The following ZNF254 variants were observed in gnomAD, a reference collection of about 807,000 sequenced individuals.
ZNF254 encodes zinc finger protein 254.
In ZNF254, 10 loss-of-function variants were observed where a neutral mutation model predicts 12.4. That is an observed-to-expected ratio of 0.80 (90% CI 0.50 to 1.36). The LOEUF (loss-of-function observed/expected upper bound fraction) is 1.36, where lower values mean the gene tolerates loss of function less well. ZNF254 is among the 40% of genes most tolerant of loss of function. ZNF254 has a pLI of 0.00. For synonymous variants in ZNF254, 305 were observed against 253.4 expected, an observed-to-expected ratio of 1.20 and a Z score of -1.93; for missense variants, 996 against 763.9, an observed-to-expected ratio of 1.30 and a Z score of -3.58.
chr19:24,127,674 T>G lies in ZNF254; in HGVS notation c.1674T>G (p.Ser558=). Reference sequence around the variant, plus strand: ...AATGTGGCAAAGCCTTTAAGCAGTCTTCAATCCTTACTAACCATAAGAGAA... The same window carrying G: ...AATGTGGCAAAGCCTTTAAGCAGTCGTCAATCCTTACTAACCATAAGAGAA... ...CEKCGKAFKQ[S]SILTNHKRIH... The change falls in exon 4 of 4, where the codon TCT becomes TCG. Residue 558 remains serine, a synonymous_variant. Transcript: ENST00000357002. 6.2e-7 allele frequency: 1 copy of G among 1,609,484 alleles called. No homozygotes were observed. Among genetic ancestry groups the G allele is most frequent in the Non-Finnish European group, 8.5e-7 (1 of 1,178,692 alleles).
At chr19:24,107,646 C>T (rs558089859) in intron 3 of ZNF254, among the ~76,000 whole-genome samples, 1 of 152,180 alleles carries the variant, frequency 6.6e-6, no homozygotes, top group African/African-American at 2.4e-5. Context: ...ACTTATTGGT[C>T]TTCAATTTCA....
Position 24,087,201 on chromosome 19 carries a change from C to T in ZNF254, c.-107C>T. On this transcript the variant is annotated 5_prime_UTR_variant, in exon 1 of 4. Transcript: ENST00000357002. Reference sequence around the variant, plus strand: ...GATATGGCGGGGCCTTTGTCTCTCGCTGTCGCCGGAGTCCCAGGTCTGTCT... The same window carrying T: ...GATATGGCGGGGCCTTTGTCTCTCGTTGTCGCCGGAGTCCCAGGTCTGTCT... 1 of 1,481,050 alleles carries T rather than the reference C, an allele frequency of 6.8e-7. No homozygotes were observed. The highest frequency in any genetic ancestry group is 1.1e-5 in the South Asian group (1 of 87,506). 91.7% of individuals were successfully genotyped at this position (1,481,050 alleles called of 1,614,324 possible). A position where few individuals can be genotyped will look rare whatever the true frequency, so the allele number is the denominator to read the frequency against.
chr19:24,075,826 A>G (rs551811517), intron 2 of ZNF254, among the ~76,000 whole-genome samples: 1 of 152,328 alleles, frequency 6.6e-6, no homozygotes, highest in East Asian at 1.9e-4. Context: ...TCAACTGCAT[A>G]AGACAGACAC....
chr19:24,125,353 G>T (rs1481520265), intron 3 of ZNF254, among the ~76,000 whole-genome samples: 1 of 142,488 alleles, frequency 7.0e-6, no homozygotes, highest in Non-Finnish European at 1.5e-5. Context: ...AGTTGTTTCT[G>T]TTCCCATTTT....
In ZNF254 at chr19:24,055,041, A is replaced by G. The variant is rs546342619; in HGVS notation, c.-94+8762A>G. On this transcript the variant is annotated intron_variant, in intron 2 of 4. Transcript: ENST00000613065. ...CATGTTGAAACCCCATCTCTACTAA[A>G]AAATACAAAAAATTAGCTGGGCATG... 2.0e-5 allele frequency among the ~76,000 whole-genome samples: 3 copies of G among 151,524 alleles called. No homozygotes were observed. In the South Asian group the frequency reaches 6.3e-4, roughly 32 times the overall value.
intron 2 of ZNF254, among the ~76,000 whole-genome samples, chr19:24,049,214 A>ATATATTTTTTTTTTTTTTT (rs1160333151): frequency 2.4e-5 from 1 of 40,866 alleles, no homozygotes; most frequent in African/African-American, 1.4e-4. Context: ...ATATATATAT[A>ATATATTTTTTTTTTTTTTT]TTTTTTTTTT....
At chr19:24,079,476 C>T (rs1971774347) in intron 2 of ZNF254, 3 of 152,254 alleles carry the variant, frequency 2.0e-5, no homozygotes, top group African/African-American at 4.8e-5. Flanking sequence ...AATCTTTGTC[C>T]ACCTACAGAG....
intron 2 of ZNF254, among the ~76,000 whole-genome samples, chr19:24,046,888 A>G (rs1970412346): frequency 2.1e-5 from 3 of 139,628 alleles, no homozygotes; most frequent in South Asian, 4.5e-4. Flanking sequence ...CCCTTGAGAT[A>G]GAGTCTTGCT....
chr19:24,083,559 A>G (rs374596052), upstream of ZNF254, among the ~76,000 whole-genome samples: 4 of 152,204 alleles, frequency 2.6e-5, no homozygotes, highest in Non-Finnish European at 5.9e-5. Context: ...TAAGACCTGA[A>G]ACTATAAAAA....
chr19:24,057,966 T>C (rs1373759778), intron 2 of ZNF254, among the ~76,000 whole-genome samples: 1 of 152,154 alleles, frequency 6.6e-6, no homozygotes, highest in Non-Finnish European at 1.5e-5. Flanking sequence ...AGCAGCTGAG[T>C]ATTGTGATCT....
intron 3 of ZNF254, among the ~76,000 whole-genome samples, chr19:24,119,748 C>T (rs1009730534): frequency 6.6e-6 from 1 of 152,002 alleles, no homozygotes; most frequent in Non-Finnish European, 1.5e-5. Flanking sequence ...ACTTTAACCT[C>T]CCAAAGTCCT....
upstream of ZNF254, chr19:24,087,066 T>C: frequency 2.1e-6 from 1 of 481,192 alleles, no homozygotes; most frequent in Non-Finnish European, 3.8e-6. Context: ...TCACATCTTC[T>C]ATCACTCAGG....
At position 24,060,271 on chromosome 19, in the gene ZNF254, G is replaced by A. The variant is rs78768121; in HGVS notation, c.-94+13992G>A. The stretch of plus-strand genomic sequence containing the variant: ...TCACCTGCCTAGTCCTTGTTCACTA[G>A]GGGATAATGATATCTATTGCTGGTT... On this transcript the variant is annotated intron_variant, in intron 2 of 4. Coordinates refer to the ZNF254 transcript ENST00000613065. Among the ~76,000 whole-genome samples the A allele has an allele frequency of 6.8e-3, 1,031 of 152,322 alleles. 17 individuals are homozygous for A. Among genetic ancestry groups the A allele is most frequent in the African/African-American group, 0.024 (977 of 41,564 alleles).
At chr19:24,056,749 T>C (rs754358359) in intron 2 of ZNF254, among the ~76,000 whole-genome samples, 32 of 152,220 alleles carry the variant, frequency 2.1e-4, no homozygotes, top group Non-Finnish European at 2.2e-4. Flanking sequence ...ATAGGGAGCA[T>C]TGTGACATAT....
Position 24,128,478 on chromosome 19 carries a change from A to G in ZNF254, c.*498A>G, listed in dbSNP as rs1236904217. On this transcript the variant is annotated 3_prime_UTR_variant, in exon 4 of 4. Coordinates refer to ENST00000357002, the MANE Select transcript of ZNF254 (RefSeq NM_203282.4). ...TTACACATATGAAGAGGATTGTAAT[A>G]TCTTTACTTGTACCACAGATCTTAT... 2.0e-5 allele frequency: 3 copies of G among 152,396 alleles called. No individual in the cohort carries two copies. The highest frequency in any genetic ancestry group is 2.9e-5 in the Non-Finnish European group (2 of 68,156). The allele number at this position is 152,396 out of a possible 1,614,324, so 9.4% of individuals were successfully genotyped here. A position where few individuals can be genotyped will look rare whatever the true frequency, so the allele number is the denominator to read the frequency against.
intron 1 of ZNF254, among the ~76,000 whole-genome samples, chr19:24,043,556 C>A (rs1474778743): frequency 6.6e-6 from 1 of 152,124 alleles, no homozygotes; most frequent in Non-Finnish European, 1.5e-5. Context: ...GCCACTGTGC[C>A]CGGCCAAAGC....
At chr19:24,037,140 C>A (rs2145168058) in intron 1 of ZNF254, among the ~76,000 whole-genome samples, 1 of 152,304 alleles carries the variant, frequency 6.6e-6, no homozygotes, top group South Asian at 2.1e-4. Context: ...GTAGCATAAA[C>A]CAGTCTTTCC....
chr19:24,107,490 A>C (rs896782063), intron 3 of ZNF254: 22 of 309,978 alleles, frequency 7.1e-5, no homozygotes, highest in Non-Finnish European at 1.2e-4. Flanking sequence ...TTTATCAGAT[A>C]GTTTAAGTGT....
chr19:24,059,186 A>AT (rs1344645365), intron 2 of ZNF254, among the ~76,000 whole-genome samples: 1 of 152,236 alleles, frequency 6.6e-6, no homozygotes, highest in Non-Finnish European at 1.5e-5. Context: ...CACAGAGGGC[A>AT]TTATGACATA....
Sources: allele counts gnomAD v4.1 joint callset (sites outside exome capture counted in the v4.1 genomes callset), GRCh38; gene constraint gnomAD v4.1.1; transcripts MANE v1.5; gene names NCBI Gene and HGNC (gene_info 2026-07-23, HGNC 2026-07-21).